The following TTC29 variants were observed in gnomAD, a reference collection of about 807,000 sequenced individuals.
TTC29 encodes the protein tetratricopeptide repeat domain 29.
TTC29 carries 49 observed loss-of-function variants against 58.1 expected under a neutral mutation model. The observed-to-expected ratio is 0.84, with a 90% CI of 0.67 to 1.07. The LOEUF is 1.07. Ranked by LOEUF, TTC29 falls within the 50% of genes least tolerant of loss-of-function variation. TTC29 has a pLI of 0.00. For synonymous variants in TTC29, 209 were observed against 196.8 expected, an observed-to-expected ratio of 1.06 and a Z score of -0.52; for missense variants, 582 against 555.6, an observed-to-expected ratio of 1.05 and a Z score of -0.48.
At chr4:146,901,555 C>T (rs1733150279) in intron 6 of TTC29, among the ~76,000 whole-genome samples, 1 of 152,178 alleles carries the variant, frequency 6.6e-6, no homozygotes, top group Admixed American at 6.5e-5. Flanking sequence ...TCTTCCACTT[C>T]CCACCTTCCA....
chr4:146,941,677 C>A (rs1269232830), intron 2 of TTC29, among the ~76,000 whole-genome samples: 2 of 152,136 alleles, frequency 1.3e-5, no homozygotes, highest in Non-Finnish European at 2.9e-5. Context: ...AGTGTAATGT[C>A]TTGATGGTTA....
chr4:146,883,860 A>C (rs1376991145), intron 6 of TTC29, among the ~76,000 whole-genome samples: 1 of 152,112 alleles, frequency 6.6e-6, no homozygotes, highest in Non-Finnish European at 1.5e-5. Context: ...ATGAAAGAGA[A>C]GGGGAAGAAA....
intron 9 of TTC29, among the ~76,000 whole-genome samples, chr4:146,820,881 A>G (rs1751767097): frequency 6.6e-6 from 1 of 152,230 alleles, no homozygotes; most frequent in South Asian, 2.1e-4. Flanking sequence ...AAATATAAAA[A>G]ATTAGCCAGG....
At chr4:146,942,575 A>G in intron 2 of TTC29, 1 of 1,529,312 alleles carries the variant, frequency 6.5e-7, no homozygotes, top group Non-Finnish European at 8.8e-7. Flanking sequence ...GGGCCTCCCA[A>G]GAGCTTACTT....
chr4:146,766,853 G>A (rs1747360138), intron 11 of TTC29, among the ~76,000 whole-genome samples: 1 of 152,068 alleles, frequency 6.6e-6, no homozygotes, highest in Admixed American at 6.6e-5. Context: ...AAGTAGTTAG[G>A]TAGTGGGCAA....
chr4:146,779,081 C>T (rs2150084782), intron 11 of TTC29, among the ~76,000 whole-genome samples: 1 of 145,752 alleles, frequency 6.9e-6, no homozygotes, highest in African/African-American at 2.5e-5. Flanking sequence ...AGAAGAGGAA[C>T]TTAAATCTGA....
chr4:146,708,798 C>T (rs1035145459), intron 11 of TTC29, among the ~76,000 whole-genome samples: 1 of 152,002 alleles, frequency 6.6e-6, no homozygotes, highest in Non-Finnish European at 1.5e-5. Flanking sequence ...TGTCCTATAT[C>T]CTTACCCTAT....
chr4:146,884,947 TAA>T (rs1019353299), intron 6 of TTC29, among the ~76,000 whole-genome samples: 15 of 152,034 alleles, frequency 9.9e-5, no homozygotes, highest in Non-Finnish European at 1.8e-4. Flanking sequence ...AAATAGAAAA[TAA>T]GAGTTATTTA....
At chr4:146,707,419 A>G in intron 12 of TTC29, 66 bp downstream of exon 12, 1 of 1,152,758 alleles carries the variant, frequency 8.7e-7, no homozygotes, top group Non-Finnish European at 1.3e-6. Context: ...TTGGAGAATG[A>G]GATTATGCTT....
chr4:146,735,175 A>AC (rs1169523863), intron 11 of TTC29, among the ~76,000 whole-genome samples: 1 of 151,974 alleles, frequency 6.6e-6, no homozygotes, highest in Non-Finnish European at 1.5e-5. Context: ...ACTCAAAGCC[A>AC]CCCCCCTAAA....
chr4:146,820,270 G>A lies in TTC29; in HGVS notation c.978-22C>T, dbSNP rs780820490. The A allele has an allele frequency of 4.4e-6, 7 of 1,604,906 alleles. No homozygotes were observed. In the African/African-American group the frequency reaches 9.4e-5, roughly 21 times the overall value. ...TTGGCTAGAATGAATGAAATAGGAA[G>A]TCAATGGAGTATCATCTCACTTAAT... On this transcript the variant is annotated intron_variant, in intron 9 of 12. Transcript: ENST00000325106.
intron 11 of TTC29, among the ~76,000 whole-genome samples, chr4:146,793,513 C>T (rs933636945): frequency 6.6e-6 from 1 of 151,992 alleles, no homozygotes; most frequent in African/African-American, 2.4e-5. Context: ...GCACACCTAA[C>T]AGACTAAAGT....
rs184556660 is a variant in TTC29 at position 146,874,834 on chromosome 4, C to T, written c.681G>A (p.Leu227=). 28 of 1,613,298 alleles carry T rather than the reference C, an allele frequency of 1.7e-5. No individual in the cohort carries two copies. In the African/African-American group the frequency reaches 2.9e-4, roughly 17 times the overall value. Residue 227 remains leucine (L), a synonymous_variant, in exon 7 of 13, where the codon TTG becomes TTA. Coordinates refer to ENST00000325106, the MANE Select transcript of TTC29 (RefSeq NM_031956.4). ...WKDETGRSLN[L]LACESLLRTY... ...TCCTCAGGAGACTCTCACAGGCCAA[C>T]AAGTTGAGAGAGCGGCCTGTCTCAT...
chr4:146,838,101 T>C (rs1440006540), intron 8 of TTC29, among the ~76,000 whole-genome samples: 1 of 152,042 alleles, frequency 6.6e-6, no homozygotes, highest in African/African-American at 2.4e-5. Context: ...ACAATTTCCA[T>C]GACTTCAGAG....
chr4:146,856,571 T>C (rs1484158339), intron 8 of TTC29, among the ~76,000 whole-genome samples: 3 of 151,668 alleles, frequency 2.0e-5, no homozygotes, highest in Non-Finnish European at 4.4e-5. Flanking sequence ...GCTTTCTGAT[T>C]TTCTACAATG....
intron 11 of TTC29, among the ~76,000 whole-genome samples, chr4:146,738,140 G>A (rs564947144): frequency 5.4e-4 from 83 of 152,294 alleles, no homozygotes; most frequent in African/African-American, 1.6e-3. Flanking sequence ...TGCTCCCAGC[G>A]ATCTGGACCA....
intron 11 of TTC29, among the ~76,000 whole-genome samples, chr4:146,758,241 A>G (rs533875509): frequency 1.3e-5 from 2 of 152,296 alleles, no homozygotes; most frequent in African/African-American, 4.8e-5. Context: ...AAAGAGATGA[A>G]GAGGGACATT....
intron 11 of TTC29, among the ~76,000 whole-genome samples, chr4:146,781,645 T>A (rs895109645): frequency 6.6e-6 from 1 of 151,998 alleles, no homozygotes; most frequent in Non-Finnish European, 1.5e-5. Context: ...TTGAGGTCAG[T>A]AGAACTTCAT....
At chr4:146,936,125 C>G (rs1735796251) in intron 4 of TTC29, among the ~76,000 whole-genome samples, 1 of 152,114 alleles carries the variant, frequency 6.6e-6, no homozygotes, top group African/African-American at 2.4e-5. Context: ...TGTAGTAAGG[C>G]CTGAGAATTA....
Sources: allele counts gnomAD v4.1 joint callset (sites outside exome capture counted in the v4.1 genomes callset), GRCh38; gene constraint gnomAD v4.1.1; transcripts MANE v1.5; gene names NCBI Gene and HGNC (gene_info 2026-07-23, HGNC 2026-07-21).